Variants in MTUS2 observed in about 807,000 individuals in gnomAD.
MTUS2 encodes the protein microtubule associated scaffold protein 2.
A neutral mutation model predicts 114.1 loss-of-function variants in MTUS2; 40 were observed. The observed-to-expected ratio is 0.35, with a 90% confidence interval of 0.27 to 0.46. The LOEUF is 0.46. Ranked by LOEUF, MTUS2 falls within the 20% of genes least tolerant of loss-of-function variation. The pLI is 1.00. For synonymous variants in MTUS2, 688 were observed against 672.0 expected (o/e 1.02, Z -0.37); for missense variants, 1,679 against 1,705.4 (o/e 0.98, Z 0.27).
intron 4 of MTUS2, among the ~76,000 whole-genome samples, chr13:29,079,215 G>A (rs1889332725): frequency 6.6e-6 from 1 of 152,102 alleles, no homozygotes; most frequent in South Asian, 2.1e-4. Flanking sequence ...CCAGTTAGTT[G>A]TACATGTTCT....
At chr13:29,428,858 T>A in intron 8 of MTUS2, 1 of 1,614,134 alleles carries the variant, frequency 6.2e-7, no homozygotes, top group South Asian at 1.1e-5. Context: ...CCATTGCTGC[T>A]GCAAGCCTTA....
intron 4 of MTUS2, among the ~76,000 whole-genome samples, chr13:29,039,391 G>A (rs1887240178): frequency 6.6e-6 from 1 of 152,340 alleles, no homozygotes. Flanking sequence ...AAAGCATCGC[G>A]CGCCGGGCAC....
chr13:29,280,106 A>G (rs746403660), intron 5 of MTUS2, among the ~76,000 whole-genome samples: 3 of 152,220 alleles, frequency 2.0e-5, no homozygotes, highest in Non-Finnish European at 2.9e-5. Flanking sequence ...TCTGAGTTCT[A>G]GCACTGGACT....
intron 2 of MTUS2, among the ~76,000 whole-genome samples, chr13:28,873,980 G>T (rs762790863): frequency 2.0e-5 from 3 of 152,132 alleles, no homozygotes; most frequent in Non-Finnish European, 2.9e-5. Context: ...TTTTAAGAAT[G>T]ATTTTCTTAA....
intron 9 of MTUS2, among the ~76,000 whole-genome samples, chr13:29,441,006 C>A (rs533654832): frequency 6.6e-6 from 1 of 152,308 alleles, no homozygotes; most frequent in South Asian, 2.1e-4. Flanking sequence ...TTCTTTTTCT[C>A]CCCTGTGAGT....
intron 2 of MTUS2, among the ~76,000 whole-genome samples, chr13:28,935,011 T>TG (rs1358701006): frequency 3.0e-4 from 43 of 141,574 alleles, no homozygotes; most frequent in Non-Finnish European, 4.4e-4. Context: ...ATAGCGTTTT[T>TG]TTTTTTTTTT....
At chr13:29,129,344 G>A (rs1055381138) in intron 5 of MTUS2, among the ~76,000 whole-genome samples, 3 of 151,836 alleles carry the variant, frequency 2.0e-5, no homozygotes, top group Non-Finnish European at 4.4e-5. Context: ...TTTCATAATT[G>A]CATTTATAAA....
intron 8 of MTUS2, among the ~76,000 whole-genome samples, chr13:29,394,342 G>A (rs1207947789): frequency 6.6e-6 from 1 of 152,076 alleles, no homozygotes; most frequent in Admixed American, 6.5e-5. Context: ...CAGAAAGGTG[G>A]GACAACTAGA....
intron 8 of MTUS2, among the ~76,000 whole-genome samples, chr13:29,418,968 G>C (rs1875880985): frequency 6.6e-6 from 1 of 152,188 alleles, no homozygotes; most frequent in African/African-American, 2.4e-5. Context: ...CAGCCAAACT[G>C]TTAGAGCCCT....
intron 2 of MTUS2, among the ~76,000 whole-genome samples, chr13:28,908,365 C>G (rs1489566287): frequency 6.6e-6 from 1 of 151,442 alleles, no homozygotes; most frequent in African/African-American, 2.4e-5. Context: ...TTGTTTAATT[C>G]CCACCTATGA....
chr13:29,469,300 C>G lies in MTUS2; in HGVS notation c.3185-10850C>G, dbSNP rs117557118. Among the ~76,000 whole-genome samples the G allele has an allele frequency of 5.9e-5, 9 of 152,262 alleles. No individual in the cohort carries two copies. The East Asian group carries it at 1.7e-3, about 29-fold the overall frequency. On this transcript the variant is annotated intron_variant, in intron 9 of 15. Transcript: ENST00000612955. Reference sequence around the variant, plus strand: ...TCTAATCTCTCTTTATCGGGAAACTCTGACCTGCAGGATTCAGCGTACAGT... The same window carrying G: ...TCTAATCTCTCTTTATCGGGAAACTGTGACCTGCAGGATTCAGCGTACAGT...
chr13:29,383,183 A>G (rs940848481), intron 8 of MTUS2, among the ~76,000 whole-genome samples: 1 of 150,068 alleles, frequency 6.7e-6, no homozygotes, highest in Non-Finnish European at 1.5e-5. Flanking sequence ...GTCATAGCAA[A>G]TGGCAAACAC....
chr13:29,414,311 C>T (rs1263969170), intron 8 of MTUS2, among the ~76,000 whole-genome samples: 2 of 92,476 alleles, frequency 2.2e-5, no homozygotes, highest in Middle Eastern at 4.3e-3. Context: ...GTGGTGGGGT[C>T]GGGGGAGGGG....
chr13:29,074,493 C>T (rs559936634), intron 4 of MTUS2, among the ~76,000 whole-genome samples: 3 of 152,314 alleles, frequency 2.0e-5, no homozygotes, highest in South Asian at 2.1e-4. Context: ...GCTGTCATGG[C>T]ACGCGGTGTA....
chr13:29,313,264 G>A (rs9508346), intron 6 of MTUS2, among the ~76,000 whole-genome samples: 40,214 of 151,954 alleles, frequency 0.26, 6,465 homozygotes, highest in Non-Finnish European at 0.36. Context: ...AAAAAAAGTG[G>A]ACTAGATTTA....
intron 9 of MTUS2, among the ~76,000 whole-genome samples, chr13:29,468,914 A>C (rs1027241737): frequency 4.6e-5 from 7 of 152,170 alleles, no homozygotes; most frequent in Non-Finnish European, 7.4e-5. Flanking sequence ...ATTGAAGCTT[A>C]TCTCTTCAGG....
intron 2 of MTUS2, among the ~76,000 whole-genome samples, chr13:28,899,851 T>C (rs1373332568): frequency 1.3e-5 from 2 of 152,122 alleles, no homozygotes; most frequent in Non-Finnish European, 2.9e-5. Flanking sequence ...TCATGAATTG[T>C]TCTTTGCTCA....
chr13:28,867,445 C>T (rs1877367217), intron 2 of MTUS2, among the ~76,000 whole-genome samples: 1 of 145,310 alleles, frequency 6.9e-6, no homozygotes, highest in South Asian at 2.2e-4. Flanking sequence ...CTAGGGGCTT[C>T]CGGAGAAGAA....
At chr13:28,948,735 C>T (rs1328133309) in intron 2 of MTUS2, among the ~76,000 whole-genome samples, 1 of 152,144 alleles carries the variant, frequency 6.6e-6, no homozygotes, top group East Asian at 1.9e-4. Flanking sequence ...GCTTGTTTCA[C>T]AGGTATGTGT....
Sources: gnomAD v4.1 joint callset for allele counts (sites outside exome capture counted in the v4.1 genomes callset) on GRCh38, gnomAD v4.1.1 for gene constraint, MANE v1.5 for transcripts, NCBI Gene and HGNC (gene_info 2026-07-23, HGNC 2026-07-21) for gene names.